JAK1: variants seen among roughly 807,000 people sequenced by gnomAD.
JAK1 encodes the protein Janus kinase 1.
Under a neutral mutation model 136.6 loss-of-function variants are expected in JAK1, and 16 were observed. The ratio of observed to expected loss-of-function variants is 0.12; its 90% CI spans 0.08 to 0.18. The LOEUF (loss-of-function observed/expected upper bound fraction) is 0.18, where lower values mean the gene tolerates loss of function less well. JAK1 is among the 10% of genes least tolerant of loss of function. The pLI is 1.00. For missense variants in JAK1, 859 were observed against 1,450.1 expected, an observed-to-expected ratio of 0.59 and a Z score of 6.62; for synonymous variants, 492 against 519.5, an observed-to-expected ratio of 0.95 and a Z score of 0.72.
intron 2 of JAK1, among the ~76,000 whole-genome samples, chr1:65,006,938 CCTTAT>C (rs1353231208): frequency 6.6e-6 from 1 of 152,110 alleles, no homozygotes; most frequent in East Asian, 1.9e-4. Context: ...AAATGTTAAT[CCTTAT>C]CTTATCTACA....
intron 2 of JAK1, among the ~76,000 whole-genome samples, chr1:65,025,613 C>T (rs1646971243): frequency 6.6e-6 from 1 of 152,144 alleles, no homozygotes. Context: ...AGGTTTGCTA[C>T]TTGCTAGCAC....
At chr1:64,941,418 C>T (rs752684950) in intron 1 of JAK1, among the ~76,000 whole-genome samples, 34 of 152,174 alleles carry the variant, frequency 2.2e-4, no homozygotes, top group Admixed American at 1.4e-3. Context: ...TGGGACTTAT[C>T]CAGTTATTAT....
chr1:64,921,251 C>T (rs1645489225), intron 1 of JAK1, among the ~76,000 whole-genome samples: 1 of 152,074 alleles, frequency 6.6e-6, no homozygotes, highest in Non-Finnish European at 1.5e-5. Flanking sequence ...CTCCAAAATC[C>T]AGCACAAGAC....
chr1:65,004,359 A>G (rs1646786957), intron 2 of JAK1, among the ~76,000 whole-genome samples: 1 of 152,222 alleles, frequency 6.6e-6, no homozygotes, highest in East Asian at 1.9e-4. Flanking sequence ...CCAAGCTCCC[A>G]CTAACCTTAC....
At chr1:64,843,094 T>C (rs1398164239) in intron 17 of JAK1, among the ~76,000 whole-genome samples, 1 of 152,078 alleles carries the variant, frequency 6.6e-6, no homozygotes, top group African/African-American at 2.4e-5. Flanking sequence ...CCTTGTCCCA[T>C]GCCACCCCCA....
chr1:64,885,645 C>T (rs932155638), intron 2 of JAK1, among the ~76,000 whole-genome samples: 39 of 151,764 alleles, frequency 2.6e-4, no homozygotes, highest in African/African-American at 8.9e-4. Context: ...CCCACCTACT[C>T]GGGAGGCTGA....
intron 2 of JAK1, among the ~76,000 whole-genome samples, chr1:65,041,233 G>T (rs1028315183): frequency 2.2e-4 from 34 of 152,176 alleles, no homozygotes; most frequent in Admixed American, 2.2e-3. Context: ...AGTGGAAAAA[G>T]CTATTTACAG....
chr1:64,968,218 CAG>C (rs962435464), upstream of JAK1, among the ~76,000 whole-genome samples: 14 of 152,102 alleles, frequency 9.2e-5, no homozygotes, highest in African/African-American at 1.7e-4. Flanking sequence ...AGGGTGGAAT[CAG>C]GGGGAGAGGG....
chr1:64,911,613 C>A (rs1645287272), intron 1 of JAK1, among the ~76,000 whole-genome samples: 1 of 152,194 alleles, frequency 6.6e-6, no homozygotes, highest in South Asian at 2.1e-4. Flanking sequence ...TGACTCCTAA[C>A]CCAATGCCCT....
chr1:64,882,953 T>G (rs1644797300), intron 3 of JAK1, among the ~76,000 whole-genome samples: 1 of 152,216 alleles, frequency 6.6e-6, no homozygotes. Flanking sequence ...GCTGATATTA[T>G]TCCAATTGTA....
chr1:64,993,996 A>G (rs1646681126), intron 2 of JAK1, among the ~76,000 whole-genome samples: 1 of 152,106 alleles, frequency 6.6e-6, no homozygotes, highest in Admixed American at 6.5e-5. Context: ...ACTGGAGTGC[A>G]GTGGTGTAAT....
At chr1:64,854,753 C>A (rs1655814974) in intron 11 of JAK1, among the ~76,000 whole-genome samples, 1 of 152,136 alleles carries the variant, frequency 6.6e-6, no homozygotes, top group African/African-American at 2.4e-5. Context: ...AGCTCCATGG[C>A]ATAGCACTCA....
rs1475080181 is a variant in JAK1 at position 64,834,187 on chromosome 1, A to G, written c.*375T>C. 1 of 249,914 alleles carries G rather than the reference A, an allele frequency of 4.0e-6. No individual in the cohort carries two copies. Among genetic ancestry groups the G allele is most frequent in the Admixed American group, 4.9e-5 (1 of 20,510 alleles). 15.5% of individuals were successfully genotyped at this position (249,914 alleles called of 1,614,324 possible). A position where few individuals can be genotyped will look rare whatever the true frequency, so the allele number is the denominator to read the frequency against. On this transcript the variant is annotated 3_prime_UTR_variant, in exon 25 of 25. Coordinates refer to ENST00000342505, the MANE Select transcript of JAK1 (RefSeq NM_002227.4). ...GATCAGCTGGCAGCAGGGAAAAGCA[A>G]TCATCTTCAGATATTATTTTGGTCA...
rs1298801037 is a variant in JAK1, at chr1:64,878,561, G to GTGTA, written c.329+463_329+464insTACA. On this transcript the variant is annotated intron_variant, in intron 4 of 24. Transcript: ENST00000342505. ...ATCATGACCTTTATATATATAGTGT[G>GTGTA]TATATATATATATATATATATATAT... Among the ~76,000 whole-genome samples the GTGTA allele has an allele frequency of 6.4e-3, 767 of 119,230 alleles. 3 individuals are homozygous for GTGTA. Among genetic ancestry groups the GTGTA allele is most frequent in the East Asian group, 0.01 (39 of 3,814 alleles). 78.2% of individuals were successfully genotyped at this position (119,230 alleles called of 152,430 possible). A position where few individuals can be genotyped will look rare whatever the true frequency, so the allele number is the denominator to read the frequency against.
chr1:64,883,638 A>G (rs1644809864), intron 2 of JAK1, among the ~76,000 whole-genome samples, 163 bp from the exon 3 acceptor site: 1 of 152,126 alleles, frequency 6.6e-6, no homozygotes, highest in Non-Finnish European at 1.5e-5. Context: ...AACATGTCAG[A>G]TCTCATAAGA....
At position 65,046,738 on chromosome 1, in the gene JAK1, T is replaced by C. The variant is rs555861553; in HGVS notation, c.-180-2156A>G. Reference sequence around the variant, plus strand: ...TGGTTTTTTGTGTTTTTAGTAGAGATGGAGTTTCACCATGTTGGTCAGGCT... The same window carrying C: ...TGGTTTTTTGTGTTTTTAGTAGAGACGGAGTTTCACCATGTTGGTCAGGCT... On this transcript the variant is annotated intron_variant, in intron 1 of 25. Coordinates refer to the JAK1 transcript ENST00000671954. 8.2e-4 allele frequency among the ~76,000 whole-genome samples: 124 copies of C among 151,968 alleles called. 1 individual carries two copies. Among genetic ancestry groups the C allele is most frequent in the South Asian group, 4.0e-3 (19 of 4,802 alleles).
At chr1:64,837,262 A>T (rs1654543617) in intron 22 of JAK1, among the ~76,000 whole-genome samples, 1 of 152,212 alleles carries the variant, frequency 6.6e-6, no homozygotes, top group African/African-American at 2.4e-5. Flanking sequence ...TTCTTAAATG[A>T]ATGAATGAGT....
At chr1:64,957,447 G>A (rs1221607675) in intron 1 of JAK1, among the ~76,000 whole-genome samples, 1 of 152,146 alleles carries the variant, frequency 6.6e-6, no homozygotes, top group Middle Eastern at 3.2e-3. Flanking sequence ...GCACATATTC[G>A]TGCCTCTCAC....
intron 2 of JAK1, among the ~76,000 whole-genome samples, chr1:65,030,880 G>T (rs1162758828): frequency 6.6e-6 from 1 of 152,126 alleles, no homozygotes; most frequent in African/African-American, 2.4e-5. Flanking sequence ...GGTGGCCAGT[G>T]CAGTGGCTCA....
Sources: gnomAD v4.1 joint callset for allele counts (sites outside exome capture counted in the v4.1 genomes callset) on GRCh38, gnomAD v4.1.1 for gene constraint, MANE v1.5 for transcripts, NCBI Gene and HGNC (gene_info 2026-07-23, HGNC 2026-07-21) for gene names.